SMC5: variants seen among roughly 807,000 people sequenced by gnomAD.
SMC5 encodes structural maintenance of chromosomes protein 5.
A neutral mutation model predicts 148.3 loss-of-function variants in SMC5; 88 were observed. The observed-to-expected ratio is 0.59, with a 90% confidence interval of 0.50 to 0.71. SMC5 has a LOEUF of 0.71. Among genes scored for constraint, SMC5 ranks in the 30% least tolerant of loss-of-function variants. SMC5 has a pLI of 0.00. For synonymous variants in SMC5, 421 were observed against 432.8 expected (o/e 0.97, Z 0.34); for missense variants, 1,142 against 1,298.9 (o/e 0.88, Z 1.86).
chr9:70,336,503 A>G (rs551874748), intron 17 of SMC5, among the ~76,000 whole-genome samples: 4 of 152,354 alleles, frequency 2.6e-5, no homozygotes, highest in African/African-American at 9.6e-5. Flanking sequence ...GAATAGCAAT[A>G]GTATTCTAAA....
At chr9:70,264,526 C>T in intron 2 of SMC5, 81 bp downstream of exon 2, 1 of 1,438,720 alleles carries the variant, frequency 7.0e-7, no homozygotes, top group South Asian at 1.3e-5. Context: ...ACCTCAGTTC[C>T]TTGGGTATAG....
At position 70,324,080 on chromosome 9, in the gene SMC5, C is replaced by A. The variant is rs777691207; in HGVS notation, c.2334C>A (p.Ile778=). ...VDLILQNTTV[I]SEKNKLESDY... is the part of the protein sequence containing the mutation. ...TAATTCTCCAAAATACTACAGTGAT[C>A]TCTGAGAAGAACAAATTAGAATCAG... Residue 778 remains isoleucine, a synonymous_variant, in exon 17 of 25, where the codon ATC becomes ATA. Transcript: ENST00000361138. The A allele has an allele frequency of 6.2e-7, 1 of 1,601,410 alleles. No homozygotes were observed. The highest frequency in any genetic ancestry group is 2.3e-5 in the East Asian group (1 of 44,424).
At chr9:70,343,771 A>G (rs2036586671) in intron 17 of SMC5, among the ~76,000 whole-genome samples, 1 of 152,140 alleles carries the variant, frequency 6.6e-6, no homozygotes, top group South Asian at 2.1e-4. Flanking sequence ...AGCTGAGATC[A>G]CGTCACGTCA....
intron 17 of SMC5, among the ~76,000 whole-genome samples, chr9:70,334,246 T>C (rs1183078269): frequency 6.6e-6 from 1 of 152,048 alleles, no homozygotes; most frequent in African/African-American, 2.4e-5. Context: ...ACTATACCCT[T>C]ACCTCGTATC....
intron 11 of SMC5, among the ~76,000 whole-genome samples, chr9:70,308,201 C>G (rs1361851020): frequency 6.6e-6 from 1 of 152,102 alleles, no homozygotes; most frequent in African/African-American, 2.4e-5. Context: ...AGTCTTTCTC[C>G]TTTGCATATT....
At chr9:70,324,658 G>A (rs754539854) in intron 17 of SMC5, among the ~76,000 whole-genome samples, 11 of 152,024 alleles carry the variant, frequency 7.2e-5, no homozygotes, top group Admixed American at 7.2e-4. Context: ...TTCCCAAAAA[G>A]ACCACCCTTA....
chr9:70,302,130 G>T (rs1239447546), intron 10 of SMC5, among the ~76,000 whole-genome samples: 4 of 152,148 alleles, frequency 2.6e-5, no homozygotes, highest in African/African-American at 9.7e-5. Flanking sequence ...CCAGCATTTT[G>T]GGAGGCCGAG....
Position 70,259,013 on chromosome 9 carries a change from C to A in SMC5, c.-66C>A, listed in dbSNP as rs905630155. On this transcript the variant is annotated 5_prime_UTR_variant, in exon 1 of 25. Coordinates refer to ENST00000361138, the MANE Select transcript of SMC5 (RefSeq NM_015110.4). ...GGAGCGGGGCGCCTGGGTGGATGGG[C>A]GCTTGGGCGCCTGGGCTGCCGGACG... 5 of 1,494,914 alleles carry A rather than the reference C, an allele frequency of 3.3e-6. No individual in the cohort carries two copies. The highest frequency in any genetic ancestry group is 2.8e-5 in the African/African-American group (2 of 70,770). 92.6% of individuals were successfully genotyped at this position (1,494,914 alleles called of 1,614,324 possible).
intron 9 of SMC5, among the ~76,000 whole-genome samples, chr9:70,299,780 T>C (rs1185305668): frequency 6.7e-6 from 1 of 149,852 alleles, no homozygotes; most frequent in Non-Finnish European, 1.5e-5. Flanking sequence ...GTTTTCCTTG[T>C]GGGTTTTTTT....
At chr9:70,281,151 C>T (rs552874168) in intron 6 of SMC5, among the ~76,000 whole-genome samples, 7 of 151,952 alleles carry the variant, frequency 4.6e-5, no homozygotes, top group Non-Finnish European at 7.4e-5. Context: ...GATTCTCCTG[C>T]CTCAGCCTCC....
In SMC5 at chr9:70,354,444, C is replaced by G. The variant is rs1161069628; in HGVS notation, c.*2113C>G. 1 of 152,194 alleles carries G rather than the reference C, an allele frequency of 6.6e-6. No individual in the cohort carries two copies. Among genetic ancestry groups the G allele is most frequent in the African/African-American group, 2.4e-5 (1 of 41,434 alleles). 9.4% of individuals were successfully genotyped at this position (152,194 alleles called of 1,614,324 possible). ...GTTTCAGCATATTGGCCAGGCTGGTCTCGAACTCCTGACCTTGTGATCCAC... is the reference window on the plus strand; with the variant it reads ...GTTTCAGCATATTGGCCAGGCTGGTGTCGAACTCCTGACCTTGTGATCCAC... On this transcript the variant is annotated 3_prime_UTR_variant, in exon 25 of 25. Coordinates refer to ENST00000361138, the MANE Select transcript of SMC5 (RefSeq NM_015110.4).
At chr9:70,262,923 A>G (rs1235841199) in intron 1 of SMC5, among the ~76,000 whole-genome samples, 1 of 152,014 alleles carries the variant, frequency 6.6e-6, no homozygotes, top group Admixed American at 6.6e-5. Context: ...TGATCTGGGT[A>G]GCTAAAGGCA....
At chr9:70,327,328 C>A (rs1041928972) in intron 17 of SMC5, among the ~76,000 whole-genome samples, 1 of 152,136 alleles carries the variant, frequency 6.6e-6, no homozygotes, top group Non-Finnish European at 1.5e-5. Flanking sequence ...GTATACCCGC[C>A]ATACATGAAG....
chr9:70,316,694 G>A (rs1258436760), intron 13 of SMC5, among the ~76,000 whole-genome samples: 2 of 152,010 alleles, frequency 1.3e-5, no homozygotes, highest in Non-Finnish European at 2.9e-5. Context: ...TAGAAAGGTT[G>A]ATAAGGACTT....
chr9:70,347,517 T>C, intron 20 of SMC5, 96 bp from the exon 21 acceptor site: 1 of 643,664 alleles, frequency 1.6e-6, no homozygotes, highest in Non-Finnish European at 2.6e-6. Flanking sequence ...GCAGCACAAT[T>C]GGCATTTTCA....
In SMC5 at chr9:70,352,525, T is replaced by G; in HGVS notation, c.*194T>G. 1.9e-6 allele frequency: 1 copy of G among 517,194 alleles called. No individual in the cohort carries two copies. 32.0% of individuals were successfully genotyped at this position (517,194 alleles called of 1,614,324 possible). A position where few individuals can be genotyped will look rare whatever the true frequency, so the allele number is the denominator to read the frequency against. On this transcript the variant is annotated 3_prime_UTR_variant, in exon 25 of 25. Transcript: ENST00000361138. ...AGCAGCTGGTAGTAAAAGTTAAGTC[T>G]TCTTCAGTCTTGGTTGAACTTGAGT...
rs147731350 is a variant in SMC5 at position 70,278,535 on chromosome 9, C to T, written c.588C>T (p.Leu196=). 16 of 1,611,380 alleles carry T rather than the reference C, an allele frequency of 9.9e-6. No individual in the cohort carries two copies. The highest frequency in any genetic ancestry group is 6.7e-5 in the East Asian group (3 of 44,700). The change falls in exon 5 of 25, where the codon CTC becomes CTT. Residue 196 remains leucine, a synonymous_variant. Coordinates refer to ENST00000361138, the MANE Select transcript of SMC5 (RefSeq NM_015110.4). ...CTAAACTCAGCAAAATTGAACTCCT[C>T]GAAGCCACTGAAAAGTCAATTGGTC... ...EFAKLSKIEL[L]EATEKSIGPP... is the part of the protein sequence containing the mutation.
intron 1 of SMC5, among the ~76,000 whole-genome samples, chr9:70,260,289 T>C (rs2117905716): frequency 6.6e-6 from 1 of 152,302 alleles, no homozygotes; most frequent in Admixed American, 6.5e-5. Flanking sequence ...TGTATTTTAG[T>C]AGACTCGCGG....
intron 18 of SMC5, 195 bp downstream of exon 18, chr9:70,344,464 A>G (rs1587718168): frequency 8.4e-6 from 2 of 238,352 alleles, no homozygotes; most frequent in Non-Finnish European, 1.6e-5. Flanking sequence ...TTGGTACTAT[A>G]ACATTTATTC....
Sources: gnomAD v4.1 joint callset for allele counts (sites outside exome capture counted in the v4.1 genomes callset) on GRCh38, gnomAD v4.1.1 for gene constraint, MANE v1.5 for transcripts, NCBI Gene and HGNC (gene_info 2026-07-23, HGNC 2026-07-21) for gene names.